MYOM2: variants seen among roughly 807,000 people sequenced by gnomAD.
MYOM2 encodes the protein myomesin-2.
Under a neutral mutation model 187.6 loss-of-function variants are expected in MYOM2, and 254 were observed. The ratio of observed to expected loss-of-function variants is 1.35; its 90% CI spans 1.22 to 1.50. The LOEUF is 1.50. Ranked by LOEUF, MYOM2 falls within the 40% of genes most tolerant of loss-of-function variation. The probability of loss-of-function intolerance (pLI) is 0.00; values close to 1 mark genes in which losing one functional copy is unlikely to be tolerated. For synonymous variants in MYOM2, 981 were observed against 753.8 expected (o/e 1.30, Z -4.94); for missense variants, 2,796 against 1,924.0 (o/e 1.45, Z -8.48).
chr8:2,109,095 T>C (rs535042224), intron 24 of MYOM2, among the ~76,000 whole-genome samples: 108 of 152,358 alleles, frequency 7.1e-4, no homozygotes, highest in African/African-American at 2.5e-3. Flanking sequence ...AGATTTCATT[T>C]CCTATCAAGT....
chr8:2,131,947 G>C (rs1409216916), intron 32 of MYOM2, among the ~76,000 whole-genome samples: 1 of 151,972 alleles, frequency 6.6e-6, no homozygotes, highest in Non-Finnish European at 1.5e-5. Context: ...CCGGCCAATA[G>C]GCATTTCTTT....
intron 18 of MYOM2, 74 bp from the exon 19 acceptor site, chr8:2,098,783 T>A: frequency 1.4e-6 from 2 of 1,448,828 alleles, no homozygotes; most frequent in South Asian, 1.4e-5. Context: ...AAGCCAGTTA[T>A]AACAACTCCT....
chr8:2,079,437 C>T (rs764170987), intron 12 of MYOM2, 123 bp from the exon 13 acceptor site: 90 of 904,504 alleles, frequency 1.0e-4, no homozygotes, highest in Admixed American at 2.2e-4. Flanking sequence ...CTGATGCCCC[C>T]AGAGGACTCA....
At chr8:2,058,383 C>T (rs1178575892) in intron 5 of MYOM2, among the ~76,000 whole-genome samples, 5 of 152,024 alleles carry the variant, frequency 3.3e-5, no homozygotes, top group African/African-American at 7.3e-5. Flanking sequence ...TGCAAGAGCA[C>T]GTGCATGATT....
rs116687643 is a variant in MYOM2 at position 2,099,018 on chromosome 8, C to T, written c.2440+35C>T. 1,925 of 1,569,470 alleles carry T rather than the reference C, an allele frequency of 1.2e-3. 18 individuals carry two copies. The African/African-American group carries it at 0.022, about 18-fold the overall frequency. ...TGCCCCCAGGACACCCGCGTTCCAG[C>T]GCACAGGCTGGCTGGGAAGGGGCCT... is the stretch of plus-strand genomic sequence containing the variant. On this transcript the variant is annotated intron_variant, in intron 19 of 36. Coordinates refer to ENST00000262113, the MANE Select transcript of MYOM2 (RefSeq NM_003970.4).
intron 32 of MYOM2, among the ~76,000 whole-genome samples, chr8:2,130,882 C>T (rs781654602): frequency 6.6e-6 from 1 of 152,182 alleles, no homozygotes; most frequent in African/African-American, 2.4e-5. Context: ...ATGTTTCTAG[C>T]TGAATCAAAC....
chr8:2,094,401 C>T (rs750694552), intron 17 of MYOM2, among the ~76,000 whole-genome samples: 3 of 152,136 alleles, frequency 2.0e-5, no homozygotes, highest in African/African-American at 4.8e-5. Flanking sequence ...TGCCTGTAAT[C>T]GCAGCACTTT....
chr8:2,081,586 A>G (rs1316484328), intron 13 of MYOM2, among the ~76,000 whole-genome samples: 1 of 152,230 alleles, frequency 6.6e-6, no homozygotes, highest in Non-Finnish European at 1.5e-5. Flanking sequence ...TTGCTTTATA[A>G]ATGTCACTTA....
chr8:2,109,625 C>G, intron 25 of MYOM2, 94 bp downstream of exon 25: 1 of 1,349,272 alleles, frequency 7.4e-7, no homozygotes, highest in Non-Finnish European at 1.0e-6. Flanking sequence ...CTGTCTGTTT[C>G]CATCCTTTTC....
At position 2,100,963 on chromosome 8, in the gene MYOM2, C is replaced by A. The variant is rs758953623; in HGVS notation, c.2528C>A (p.Pro843His). The change falls in exon 20 of 37, where the codon CCT (proline) becomes CAT (histidine). Residue 843 changes from proline to histidine, a missense_variant. Transcript: ENST00000262113. The stretch of plus-strand genomic sequence containing the variant: ...GCCCCTGTGTACTCCGGCAGCAGCC[C>A]TGTTTCTGGATATTTCGTGGACTTC... ...WKAPVYSGSS[P>H]VSGYFVDFRE... 2.8e-5 allele frequency: 45 copies of A among 1,614,214 alleles called. No individual in the cohort carries two copies. The highest frequency in any genetic ancestry group is 3.8e-5 in the Non-Finnish European group (45 of 1,180,046).
chr8:2,066,450 G>C (rs1004377817), intron 6 of MYOM2, among the ~76,000 whole-genome samples: 1 of 152,218 alleles, frequency 6.6e-6, no homozygotes, highest in East Asian at 1.9e-4. Context: ...ATTGCTAGTG[G>C]GGGTGGGATC....
At chr8:2,052,027 A>G in intron 2 of MYOM2, 131 bp from the exon 3 acceptor site, 2 of 1,071,606 alleles carry the variant, frequency 1.9e-6, no homozygotes, top group East Asian at 2.4e-5. Flanking sequence ...ATGCCTGTGC[A>G]TGTGTGTGTT....
intron 35 of MYOM2, among the ~76,000 whole-genome samples, chr8:2,142,602 G>A (rs1020050767): frequency 9.9e-5 from 15 of 151,570 alleles, no homozygotes; most frequent in South Asian, 2.1e-4. Flanking sequence ...CCTTAGCCCC[G>A]TCACCCCTTG....
chr8:2,046,696 T>A (rs1034941043), intron 1 of MYOM2, among the ~76,000 whole-genome samples: 6 of 151,378 alleles, frequency 4.0e-5, no homozygotes, highest in South Asian at 2.1e-4. Flanking sequence ...GGGACTCACA[T>A]CAAAAACTAC....
In MYOM2 at chr8:2,054,926, A is replaced by G. The variant is rs1410336251; in HGVS notation, c.264-2422A>G. On this transcript the variant is annotated intron_variant, in intron 3 of 36. Coordinates refer to ENST00000262113, the MANE Select transcript of MYOM2 (RefSeq NM_003970.4). ...GTACCTGGATACTGGGGAACCAAGT[A>G]CCTGGATAATGGGGGAACGAAGTAC... 3.2e-5 allele frequency among the ~76,000 whole-genome samples: 4 copies of G among 126,836 alleles called. 1 individual carries two copies. The highest frequency in any genetic ancestry group is 1.1e-4 in the African/African-American group (4 of 38,040). The allele number at this position is 126,836 out of a possible 152,430, so 83.2% of individuals were successfully genotyped here.
intron 25 of MYOM2, 35 bp downstream of exon 25, chr8:2,109,566 G>A: frequency 6.3e-7 from 1 of 1,581,216 alleles, no homozygotes; most frequent in Non-Finnish European, 8.6e-7. Context: ...TGGCTTTGCA[G>A]GGAGTCCACT....
In MYOM2 at chr8:2,102,896, T is replaced by C. The variant is rs996748445; in HGVS notation, c.2734+115T>C. The C allele has an allele frequency of 6.2e-6, 5 of 800,090 alleles. No homozygotes were observed. In the African/African-American group the frequency reaches 8.5e-5, roughly 14 times the overall value. The allele number at this position is 800,090 out of a possible 1,614,324, so 49.6% of individuals were successfully genotyped here. Reference sequence around the variant, plus strand: ...AAATGAGTGGGAGAGTGAACACGTGTTATGTGTGTATGTGTGGATGGGTCT... The same window carrying C: ...AAATGAGTGGGAGAGTGAACACGTGCTATGTGTGTATGTGTGGATGGGTCT... On this transcript the variant is annotated intron_variant, in intron 21 of 36. Transcript: ENST00000262113.
chr8:2,056,197 G>A (rs550436270), intron 3 of MYOM2, among the ~76,000 whole-genome samples: 98 of 152,338 alleles, frequency 6.4e-4, no homozygotes, highest in African/African-American at 2.0e-3. Context: ...TCAAGACACA[G>A]GGGAGAGGAT....
intron 6 of MYOM2, among the ~76,000 whole-genome samples, chr8:2,062,752 G>A (rs1818893405): frequency 6.6e-6 from 1 of 152,146 alleles, no homozygotes; most frequent in African/African-American, 2.4e-5. Flanking sequence ...TCTACCCTGT[G>A]TGTGCTGTGA....
Sources: allele counts gnomAD v4.1 joint callset (sites outside exome capture counted in the v4.1 genomes callset), GRCh38; gene constraint gnomAD v4.1.1; transcripts MANE v1.5; gene names NCBI Gene and HGNC (gene_info 2026-07-23, HGNC 2026-07-21).